The following ST3GAL3 variants were observed in gnomAD, a reference collection of about 807,000 sequenced individuals.
ST3GAL3 encodes ST3 beta-galactoside alpha-2,3-sialyltransferase 3, also known as CMP-N-acetylneuraminate-beta-1,4-galactoside alpha-2,3-sialyltransferase.
ST3GAL3 carries 21 observed loss-of-function variants against 50.1 expected under a neutral mutation model. The ratio of observed to expected loss-of-function variants is 0.42; its 90% CI spans 0.30 to 0.60. The LOEUF (loss-of-function observed/expected upper bound fraction) is 0.60, where lower values mean the gene tolerates loss of function less well. Among genes scored for constraint, ST3GAL3 ranks in the 20% least tolerant of loss-of-function variants. The probability of loss-of-function intolerance (pLI) is 0.19; values close to 1 mark genes in which losing one functional copy is unlikely to be tolerated. For synonymous variants in ST3GAL3, 183 were observed against 190.0 expected (o/e 0.96, Z 0.30); for missense variants, 353 against 489.4 (o/e 0.72, Z 2.63).
chr1:43,776,565 A>G (rs996475241), intron 2 of ST3GAL3, among the ~76,000 whole-genome samples: 7 of 152,088 alleles, frequency 4.6e-5, no homozygotes, highest in Admixed American at 4.6e-4. Context: ...GTGTAGACAT[A>G]CTGTTTTCAT....
intron 9 of ST3GAL3, among the ~76,000 whole-genome samples, chr1:43,904,522 C>G (rs988524579): frequency 6.6e-6 from 1 of 152,026 alleles, no homozygotes; most frequent in Admixed American, 6.6e-5. Flanking sequence ...GGAGATTTCA[C>G]GTCACTGCCT....
At chr1:43,732,561 T>C (rs1676408791) in intron 1 of ST3GAL3, among the ~76,000 whole-genome samples, 1 of 152,238 alleles carries the variant, frequency 6.6e-6, no homozygotes, top group Non-Finnish European at 1.5e-5. Flanking sequence ...CTTTAAATGC[T>C]GCTCACAACA....
chr1:43,917,459 TA>T, intron 9 of ST3GAL3, among the ~76,000 whole-genome samples: 1 of 21,524 alleles, frequency 4.6e-5, no homozygotes, highest in Non-Finnish European at 2.6e-4. Context: ...TAATATATAA[TA>T]TATATAATAT....
intron 5 of ST3GAL3, chr1:43,838,646 A>G (rs577794303): frequency 2.5e-4 from 80 of 318,962 alleles, no homozygotes; most frequent in South Asian, 2.4e-3. Flanking sequence ...TCAGTGGCCA[A>G]AGAAACTTTT....
chr1:43,897,075 C>A (rs2077493891), intron 6 of ST3GAL3, among the ~76,000 whole-genome samples: 1 of 148,606 alleles, frequency 6.7e-6, no homozygotes, highest in African/African-American at 2.5e-5. Context: ...TTTCATACAC[C>A]ACATTTAATC....
chr1:43,733,437 A>G (rs971392422), intron 1 of ST3GAL3, among the ~76,000 whole-genome samples: 1 of 152,228 alleles, frequency 6.6e-6, no homozygotes, highest in Non-Finnish European at 1.5e-5. Flanking sequence ...TTTTATATGT[A>G]CATGCTTAGC....
chr1:43,911,634 TATATCTATAGATATATCTGTAGCTATAG>T (rs1557497196), intron 9 of ST3GAL3, among the ~76,000 whole-genome samples: 1 of 127,762 alleles, frequency 7.8e-6, no homozygotes, highest in Non-Finnish European at 1.6e-5. Context: ...TATAGATATC[TATATCTATAGATATATCTGTAGCTATAG>T]ATATCTATAG....
intron 2 of ST3GAL3, among the ~76,000 whole-genome samples, chr1:43,744,990 GAAAAAAA>G (rs1165309839): frequency 2.4e-5 from 3 of 127,642 alleles, no homozygotes; most frequent in Non-Finnish European, 5.5e-5. Flanking sequence ...AACTGTGTTT[GAAAAAAA>G]AGAAAAAAGA....
intron 2 of ST3GAL3, among the ~76,000 whole-genome samples, chr1:43,755,719 A>T (rs1380959258): frequency 6.6e-6 from 1 of 152,240 alleles, no homozygotes; most frequent in Non-Finnish European, 1.5e-5. Flanking sequence ...AAGCAGAAAC[A>T]CAGTTTCACT....
intron 2 of ST3GAL3, among the ~76,000 whole-genome samples, chr1:43,751,623 A>G (rs1256578271): frequency 6.6e-6 from 1 of 152,190 alleles, no homozygotes; most frequent in Admixed American, 6.5e-5. Flanking sequence ...TCAAATGCAT[A>G]TGTATACAGA....
At chr1:43,898,458 CCA>C (rs535123474) in intron 7 of ST3GAL3, 160 bp downstream of exon 7, 149 of 743,094 alleles carry the variant, frequency 2.0e-4, no homozygotes, top group Admixed American at 1.3e-3. Flanking sequence ...GTAAGTGGAA[CCA>C]CTCCACCTGA....
intron 9 of ST3GAL3, among the ~76,000 whole-genome samples, chr1:43,905,786 C>G (rs1481395577): frequency 7.5e-6 from 1 of 133,796 alleles, no homozygotes; most frequent in Admixed American, 7.6e-5. Flanking sequence ...GCCACTCTTC[C>G]CCTGCCACTT....
chr1:43,797,603 TAAA>T (rs1414745061), intron 3 of ST3GAL3, among the ~76,000 whole-genome samples: 3 of 152,196 alleles, frequency 2.0e-5, no homozygotes, highest in Non-Finnish European at 4.4e-5. Flanking sequence ...CTATTTATGA[TAAA>T]AACGCTCAGC....
intron 11 of ST3GAL3, among the ~76,000 whole-genome samples, chr1:43,927,664 C>G (rs2084248083): frequency 2.6e-5 from 4 of 152,208 alleles, no homozygotes. Flanking sequence ...TATTGAGGCA[C>G]CTACTCTGTG....
intron 1 of ST3GAL3, chr1:43,709,502 G>C (rs1557946450): frequency 6.6e-6 from 1 of 151,830 alleles, no homozygotes; most frequent in Non-Finnish European, 1.5e-5. Flanking sequence ...TCCCACCTCA[G>C]CTTCCCAAGT....
intron 2 of ST3GAL3, among the ~76,000 whole-genome samples, chr1:43,741,108 C>T (rs1048055608): frequency 5.9e-5 from 9 of 152,008 alleles, no homozygotes; most frequent in Admixed American, 2.6e-4. Context: ...GGAAGGATTG[C>T]TTGAGCCCAG....
chr1:43,754,801 T>C (rs1199755163), intron 2 of ST3GAL3, among the ~76,000 whole-genome samples: 1 of 152,034 alleles, frequency 6.6e-6, no homozygotes, highest in Admixed American at 6.6e-5. Context: ...AATTACAAAA[T>C]TAGCTGAGTG....
chr1:43,725,984 ATT>A (rs1350307205), intron 1 of ST3GAL3, among the ~76,000 whole-genome samples: 2 of 152,136 alleles, frequency 1.3e-5, no homozygotes, highest in African/African-American at 2.4e-5. Context: ...TACCAAAAGC[ATT>A]TCTCTATACC....
intron 5 of ST3GAL3, chr1:43,841,802 TTTTC>T (rs753528791): frequency 6.6e-6 from 1 of 152,232 alleles, no homozygotes; most frequent in Non-Finnish European, 1.5e-5. Context: ...TGAAAAAGCT[TTTTC>T]TTTCTTTGCC....
Sources: allele counts gnomAD v4.1 joint callset (sites outside exome capture counted in the v4.1 genomes callset), GRCh38; gene constraint gnomAD v4.1.1; transcripts MANE v1.5; gene names NCBI Gene and HGNC (gene_info 2026-07-23, HGNC 2026-07-21).